KLHL1: variants seen among roughly 807,000 people sequenced by gnomAD.
KLHL1 encodes the protein kelch-like protein 1.
KLHL1 carries 47 observed loss-of-function variants against 77.7 expected under a neutral mutation model. The ratio of observed to expected loss-of-function variants is 0.60; its 90% CI spans 0.48 to 0.77. KLHL1 has a LOEUF of 0.77. Among genes scored for constraint, KLHL1 ranks in the 30% least tolerant of loss-of-function variants. The pLI is 0.00. For synonymous variants in KLHL1, 360 were observed against 325.2 expected, an observed-to-expected ratio of 1.11 and a Z score of -1.15; for missense variants, 925 against 910.8, an observed-to-expected ratio of 1.02 and a Z score of -0.20.
At chr13:69,948,424 A>C (rs1883598728) in intron 3 of KLHL1, among the ~76,000 whole-genome samples, 1 of 152,080 alleles carries the variant, frequency 6.6e-6, no homozygotes. Context: ...GGGGTGAAAC[A>C]CAAATAATTG....
At chr13:69,896,786 A>G (rs902894044) in intron 4 of KLHL1, among the ~76,000 whole-genome samples, 3 of 151,346 alleles carry the variant, frequency 2.0e-5, no homozygotes, top group Admixed American at 2.0e-4. Flanking sequence ...CTCCTGCCTC[A>G]GCCTCCTGAG....
chr13:69,884,764 G>A (rs1389137281), intron 4 of KLHL1, among the ~76,000 whole-genome samples: 1 of 151,978 alleles, frequency 6.6e-6, no homozygotes, highest in Admixed American at 6.6e-5. Flanking sequence ...TTTTATCATG[G>A]ATGTTGTAAA....
At chr13:69,734,687 T>C (rs1873691952) in intron 8 of KLHL1, among the ~76,000 whole-genome samples, 1 of 152,040 alleles carries the variant, frequency 6.6e-6, no homozygotes, top group Non-Finnish European at 1.5e-5. Flanking sequence ...ACAATCACAA[T>C]ATAGAATGAA....
chr13:69,976,394 A>T (rs907175855), intron 1 of KLHL1, among the ~76,000 whole-genome samples: 5 of 152,118 alleles, frequency 3.3e-5, no homozygotes, highest in Admixed American at 2.6e-4. Context: ...AATAACTTTA[A>T]TCATTAATAG....
intron 7 of KLHL1, among the ~76,000 whole-genome samples, chr13:69,792,975 A>G (rs1348823211): frequency 6.6e-6 from 1 of 152,148 alleles, no homozygotes; most frequent in African/African-American, 2.4e-5. Context: ...GCTCATCTCA[A>G]TATATTCAAA....
intron 1 of KLHL1, among the ~76,000 whole-genome samples, chr13:70,106,506 G>T (rs1013241748): frequency 6.6e-6 from 1 of 152,062 alleles, no homozygotes; most frequent in Non-Finnish European, 1.5e-5. Context: ...AATAAATATT[G>T]AGCTGTTTAC....
At chr13:70,084,118 G>A (rs1310244147) in intron 1 of KLHL1, among the ~76,000 whole-genome samples, 1 of 152,106 alleles carries the variant, frequency 6.6e-6, no homozygotes. Flanking sequence ...TTAAAGTCTA[G>A]TGCAACATTG....
At chr13:69,758,299 A>C (rs1230632424) in intron 7 of KLHL1, among the ~76,000 whole-genome samples, 1 of 152,116 alleles carries the variant, frequency 6.6e-6, no homozygotes, top group African/African-American at 2.4e-5. Context: ...ATAATCCTAT[A>C]AACCAATTCA....
intron 9 of KLHL1, among the ~76,000 whole-genome samples, chr13:69,710,577 C>T (rs925839429): frequency 3.9e-5 from 6 of 151,994 alleles, no homozygotes; most frequent in African/African-American, 1.4e-4. Flanking sequence ...TGTTCTTGTT[C>T]TCAAAATGAT....
At chr13:69,805,330 G>T (rs897387919) in intron 6 of KLHL1, among the ~76,000 whole-genome samples, 9 of 151,822 alleles carry the variant, frequency 5.9e-5, no homozygotes, top group African/African-American at 2.2e-4. Context: ...TGAAAATCCA[G>T]CATTTTGCTT....
intron 6 of KLHL1, among the ~76,000 whole-genome samples, chr13:69,826,770 TG>T (rs1268160773): frequency 7.1e-6 from 1 of 140,826 alleles, no homozygotes; most frequent in Non-Finnish European, 1.5e-5. Flanking sequence ...AAATAAAAGT[TG>T]TTTTTTTCAT....
rs143132268 is a variant in KLHL1 at position 69,989,467 on chromosome 13, T to C, written c.498-13665A>G. On this transcript the variant is annotated intron_variant, in intron 1 of 10. Coordinates refer to ENST00000377844, the MANE Select transcript of KLHL1 (RefSeq NM_020866.3). The stretch of plus-strand genomic sequence containing the variant: ...TCAGGCTCCTTGGTTCCATATGAAT[T>C]TGAGAATTAGTTTTTTTAGTTCTGT... Among the ~76,000 whole-genome samples, 674 of 152,156 alleles carry C rather than the reference T, an allele frequency of 4.4e-3. 5 individuals are homozygous for C. Among genetic ancestry groups the C allele is most frequent in the African/African-American group, 0.016 (650 of 41,552 alleles).
intron 1 of KLHL1, among the ~76,000 whole-genome samples, chr13:70,025,853 T>C (rs1379710550): frequency 2.0e-5 from 3 of 152,214 alleles, no homozygotes; most frequent in Non-Finnish European, 2.9e-5. Context: ...ATGCCTACCA[T>C]TGACTGCTCA....
At chr13:69,861,758 A>C (rs1270505185) in intron 5 of KLHL1, among the ~76,000 whole-genome samples, 1 of 144,270 alleles carries the variant, frequency 6.9e-6, no homozygotes, top group Non-Finnish European at 1.5e-5. Context: ...GATCAGCCTG[A>C]CCAACATGGA....
intron 1 of KLHL1, among the ~76,000 whole-genome samples, chr13:69,989,018 C>T (rs189583886): frequency 2.0e-4 from 31 of 152,086 alleles, no homozygotes; most frequent in East Asian, 1.4e-3. Flanking sequence ...AGCATTTTAA[C>T]GATGAAATCT....
intron 5 of KLHL1, among the ~76,000 whole-genome samples, chr13:69,861,809 T>C (rs1254027800): frequency 3.2e-5 from 2 of 61,560 alleles, no homozygotes; most frequent in Non-Finnish European, 7.2e-5. Flanking sequence ...AAAAAAAAAA[T>C]ACAAAATTAG....
At chr13:69,980,866 T>G (rs187130342) in intron 1 of KLHL1, among the ~76,000 whole-genome samples, 1 of 152,256 alleles carries the variant, frequency 6.6e-6, no homozygotes, top group East Asian at 1.9e-4. Context: ...CAACAACTAT[T>G]TGTTGAATAA....
chr13:69,779,374 TCC>T (rs1876012962), intron 7 of KLHL1, among the ~76,000 whole-genome samples: 1 of 143,594 alleles, frequency 7.0e-6, no homozygotes, highest in Non-Finnish European at 1.5e-5. Context: ...CTTCCTCCCC[TCC>T]CCTCTCCTCC....
At chr13:69,793,447 G>A (rs1015134332) in intron 7 of KLHL1, among the ~76,000 whole-genome samples, 4 of 150,728 alleles carry the variant, frequency 2.7e-5, no homozygotes, top group African/African-American at 4.9e-5. Flanking sequence ...TTTAAACCAC[G>A]CAGTTTTAGC....
Sources: gnomAD v4.1 joint callset for allele counts (sites outside exome capture counted in the v4.1 genomes callset) on GRCh38, gnomAD v4.1.1 for gene constraint, MANE v1.5 for transcripts, NCBI Gene and HGNC (gene_info 2026-07-23, HGNC 2026-07-21) for gene names.